The following GPM6A variants were observed in gnomAD, a reference collection of about 807,000 sequenced individuals.
The protein encoded by GPM6A is neuronal membrane glycoprotein M6-a.
In GPM6A, 7 loss-of-function variants were observed where a neutral mutation model predicts 32.1. That is an observed-to-expected ratio of 0.22 (90% CI 0.12 to 0.41). GPM6A has a LOEUF of 0.41. Among genes scored for constraint, GPM6A ranks in the 10% least tolerant of loss-of-function variants. GPM6A has a pLI of 1.00. For synonymous variants in GPM6A, 130 were observed against 123.4 expected, an observed-to-expected ratio of 1.05 and a Z score of -0.35; for missense variants, 235 against 347.2, an observed-to-expected ratio of 0.68 and a Z score of 2.57.
At chr4:175,762,795 T>G (rs768620998) in intron 1 of GPM6A, among the ~76,000 whole-genome samples, 2 of 151,932 alleles carry the variant, frequency 1.3e-5, no homozygotes, top group Non-Finnish European at 2.9e-5. Flanking sequence ...CCAGGGTGAG[T>G]GTCTAATTCA....
intron 2 of GPM6A, among the ~76,000 whole-genome samples, chr4:175,674,067 T>C (rs564927789): frequency 6.6e-6 from 1 of 152,352 alleles, no homozygotes; most frequent in South Asian, 2.1e-4. Flanking sequence ...TTCATGTTTG[T>C]CAGTTTCTTC....
chr4:175,770,661 C>T (rs1321178236), intron 1 of GPM6A, among the ~76,000 whole-genome samples: 3 of 152,142 alleles, frequency 2.0e-5, no homozygotes, highest in African/African-American at 7.2e-5. Flanking sequence ...CATGTGGGTC[C>T]AGTCTCTGAA....
intron 4 of GPM6A, among the ~76,000 whole-genome samples, chr4:175,645,428 A>AGAAAATTGTAG (rs1392349698): frequency 6.6e-6 from 1 of 151,982 alleles, no homozygotes; most frequent in African/African-American, 2.4e-5. Context: ...ATTCCTCTTA[A>AGAAAATTGTAG]GAAAATTGTA....
At chr4:175,857,651 T>C (rs892779400) in intron 1 of GPM6A, among the ~76,000 whole-genome samples, 2 of 152,090 alleles carry the variant, frequency 1.3e-5, no homozygotes, top group African/African-American at 4.8e-5. Flanking sequence ...TTTGAGGGAA[T>C]GCAATATCCA....
At chr4:175,971,594 C>A (rs979039847) in intron 1 of GPM6A, among the ~76,000 whole-genome samples, 2 of 152,036 alleles carry the variant, frequency 1.3e-5, no homozygotes, top group Non-Finnish European at 2.9e-5. Context: ...TGGAAGCGGG[C>A]GGCATCAGGG....
At chr4:175,660,324 C>T (rs1038943453) in intron 3 of GPM6A, among the ~76,000 whole-genome samples, 2 of 151,582 alleles carry the variant, frequency 1.3e-5, no homozygotes. Context: ...GCAGAGGTTT[C>T]AGTGAGCCGA....
chr4:175,930,905 T>C (rs1739018614), intron 1 of GPM6A, among the ~76,000 whole-genome samples: 1 of 152,160 alleles, frequency 6.6e-6, no homozygotes, highest in Non-Finnish European at 1.5e-5. Context: ...CATAAACATG[T>C]ACATAAATTA....
chr4:175,656,208 A>T lies in GPM6A; in HGVS notation c.388-4221T>A, dbSNP rs539212329. Among the ~76,000 whole-genome samples the T allele has an allele frequency of 7.9e-5, 12 of 152,250 alleles. No homozygotes were observed. In the East Asian group the frequency reaches 1.9e-3, roughly 24 times the overall value. The stretch of plus-strand genomic sequence containing the variant: ...CAGTAAAACTTCCTTAATTTGAATT[A>T]GTTAATTCATTGATCTTTGATAGTA... On this transcript the variant is annotated intron_variant, in intron 3 of 6. Transcript: ENST00000393658.
At chr4:175,807,193 A>G (rs1472291731) in intron 1 of GPM6A, among the ~76,000 whole-genome samples, 1 of 152,248 alleles carries the variant, frequency 6.6e-6, no homozygotes, top group East Asian at 1.9e-4. Flanking sequence ...ACTTACTGGT[A>G]GGCAATGATT....
intron 2 of GPM6A, among the ~76,000 whole-genome samples, chr4:175,688,032 G>A (rs1259870476): frequency 6.6e-6 from 1 of 151,824 alleles, no homozygotes; most frequent in Non-Finnish European, 1.5e-5. Context: ...TTTTTAATTG[G>A]GTATTTTTGT....
At chr4:175,856,123 G>A (rs1258262209) in intron 1 of GPM6A, among the ~76,000 whole-genome samples, 1 of 152,208 alleles carries the variant, frequency 6.6e-6, no homozygotes, top group Non-Finnish European at 1.5e-5. Context: ...ATGTTTATGT[G>A]GTTTTCCTGG....
intron 6 of GPM6A, among the ~76,000 whole-genome samples, chr4:175,637,703 T>A (rs1218916381): frequency 7.2e-3 from 16 of 2,228 alleles, no homozygotes; most frequent in African/African-American, 0.023. Context: ...ATATATTATA[T>A]ATTATATATA....
In GPM6A at chr4:175,633,641, C is replaced by T. The variant is rs1455142795; in HGVS notation, c.*1264G>A. ...GAAAAGAAGAGCGTCAAGGTGAAAA[C>T]AAACACCAAATTTGGTCCAATAATA... On this transcript the variant is annotated 3_prime_UTR_variant, in exon 7 of 7. Coordinates refer to ENST00000393658, the MANE Select transcript of GPM6A (RefSeq NM_201591.3). 1 of 152,122 alleles carries T rather than the reference C, an allele frequency of 6.6e-6. No individual in the cohort carries two copies. The highest frequency in any genetic ancestry group is 1.5e-5 in the Non-Finnish European group (1 of 67,820). 9.4% of individuals were successfully genotyped at this position (152,122 alleles called of 1,614,324 possible). A position where few individuals can be genotyped will look rare whatever the true frequency, so the allele number is the denominator to read the frequency against.
chr4:175,902,134 A>C (rs1445911643), intron 1 of GPM6A, among the ~76,000 whole-genome samples: 4 of 152,214 alleles, frequency 2.6e-5, no homozygotes, highest in African/African-American at 7.2e-5. Context: ...AATTTGAAGT[A>C]TTCTCATACA....
At chr4:175,647,725 A>G (rs17392489) in intron 4 of GPM6A, among the ~76,000 whole-genome samples, 3,280 of 152,266 alleles carry the variant, frequency 0.022, 55 homozygotes, top group Non-Finnish European at 0.034. Context: ...TATCTATGCA[A>G]TTGTCTTTTT....
At chr4:175,916,161 C>T (rs1738486674) in intron 1 of GPM6A, among the ~76,000 whole-genome samples, 1 of 152,204 alleles carries the variant, frequency 6.6e-6, no homozygotes, top group Admixed American at 6.5e-5. Flanking sequence ...CCCAGGGTTC[C>T]CGATAGAAAC....
intron 3 of GPM6A, among the ~76,000 whole-genome samples, chr4:175,667,570 T>C (rs1742820469): frequency 6.6e-6 from 1 of 152,144 alleles, no homozygotes; most frequent in Non-Finnish European, 1.5e-5. Context: ...TAGTTAACAA[T>C]AGTGTATCAC....
rs1744892857 is a variant in GPM6A, at chr4:175,701,734, C to T, written c.71G>A (p.Gly24Asp). 2 of 1,612,426 alleles carry T rather than the reference C, an allele frequency of 1.2e-6. No individual in the cohort carries two copies. Among genetic ancestry groups the T allele is most frequent in the Non-Finnish European group, 1.7e-6 (2 of 1,178,610 alleles). Residue 24 changes from glycine to aspartate, a missense_variant, in exon 2 of 7, where the codon GGC becomes GAC. Gly to Asp is a moderately conservative substitution (Grantham distance 94). Coordinates refer to ENST00000393658, the MANE Select transcript of GPM6A (RefSeq NM_201591.3). ...GGCAATCAGAGAGGCATAGGGAATGCCCCCCAGGCATTTGATACAGCATTC... is the reference window on the plus strand; with the variant it reads ...GGCAATCAGAGAGGCATAGGGAATGTCCCCCAGGCATTTGATACAGCATTC... ...CFECCIKCLGGIPYASLIATI... is the reference protein window; with the variant it reads ...CFECCIKCLGDIPYASLIATI...
intron 1 of GPM6A, among the ~76,000 whole-genome samples, chr4:175,890,732 A>T (rs1737622238): frequency 6.6e-6 from 1 of 151,646 alleles, no homozygotes; most frequent in African/African-American, 2.4e-5. Context: ...CTTTATTTTT[A>T]TATTGTAGAG....
Sources: allele counts gnomAD v4.1 joint callset (sites outside exome capture counted in the v4.1 genomes callset), GRCh38; gene constraint gnomAD v4.1.1; transcripts MANE v1.5; gene names NCBI Gene and HGNC (gene_info 2026-07-23, HGNC 2026-07-21).